Variants in ANKS1A observed in about 807,000 individuals in gnomAD.
ANKS1A encodes ankyrin repeat and sterile alpha motif domain containing 1A.
A neutral mutation model predicts 120.3 loss-of-function variants in ANKS1A; 55 were observed. The observed-to-expected ratio is 0.46, with a 90% confidence interval of 0.37 to 0.57. The LOEUF is 0.57. ANKS1A is among the 20% of genes least tolerant of loss of function. The pLI is 0.00. For synonymous variants in ANKS1A, 590 were observed against 604.7 expected (o/e 0.98, Z 0.36); for missense variants, 1,123 against 1,480.3 (o/e 0.76, Z 3.96).
chr6:35,093,184 C>T (rs1465493468), downstream of ANKS1A, among the ~76,000 whole-genome samples: 1 of 152,018 alleles, frequency 6.6e-6, no homozygotes, highest in Non-Finnish European at 1.5e-5. Context: ...TTTCAGGATT[C>T]GGCTGTTAGG....
At chr6:34,922,725 C>T (rs1232627925) in intron 1 of ANKS1A, among the ~76,000 whole-genome samples, 4 of 143,182 alleles carry the variant, frequency 2.8e-5, no homozygotes, top group African/African-American at 1.1e-4. Flanking sequence ...GACGGAGTCT[C>T]ACTCTGTAGC....
At position 35,017,396 on chromosome 6, in the gene ANKS1A, A is replaced by G; in HGVS notation, c.1424-77A>G. 2.7e-6 allele frequency: 4 copies of G among 1,460,392 alleles called. No individual in the cohort carries two copies. The South Asian group carries it at 5.4e-5, about 20-fold the overall frequency. The allele number at this position is 1,460,392 out of a possible 1,614,324, so 90.5% of individuals were successfully genotyped here. A position where few individuals can be genotyped will look rare whatever the true frequency, so the allele number is the denominator to read the frequency against. On this transcript the variant is annotated intron_variant, in intron 10 of 23. Transcript: ENST00000360359. ...TCTGTGAATTCCTCTGCTTTGCCAT[A>G]TGCTTGCTGCATTGGAACTTTGTTG...
chr6:34,917,872 T>C (rs915454874), intron 1 of ANKS1A, among the ~76,000 whole-genome samples: 6 of 152,300 alleles, frequency 3.9e-5, no homozygotes, highest in South Asian at 2.1e-4. Context: ...ACTCTGGGAT[T>C]GTACAATCCC....
intron 17 of ANKS1A, among the ~76,000 whole-genome samples, chr6:35,081,875 C>CA (rs1429128694): frequency 6.6e-6 from 1 of 152,200 alleles, no homozygotes; most frequent in East Asian, 1.9e-4. Flanking sequence ...CTTGGCCTGT[C>CA]AGACACAGGA....
At position 34,889,920 on chromosome 6, in the gene ANKS1A, G is replaced by C. The variant is rs1766716184; in HGVS notation, c.197+321G>C. On this transcript the variant is annotated intron_variant, in intron 1 of 23. Coordinates refer to ENST00000360359, the MANE Select transcript of ANKS1A (RefSeq NM_015245.3). This position sits in a 1 kb window ranked among gnomAD's most constrained non-coding sequence, Gnocchi z 5.5. ...GTGCCAGCTATCGTAGCTCACAAAA[G>C]CCAATTAAGAGCAAATATGTATATC... Among the ~76,000 whole-genome samples the C allele has an allele frequency of 6.6e-6, 1 of 150,538 alleles. No homozygotes were observed. Among genetic ancestry groups the C allele is most frequent in the Non-Finnish European group, 1.5e-5 (1 of 67,952 alleles).
At chr6:35,096,682 A>C in the ANKS1A span, among the ~76,000 whole-genome samples, 3 of 152,230 alleles carry the variant, frequency 2.0e-5, no homozygotes, top group Admixed American at 2.0e-4. Flanking sequence ...ATACCAGTCC[A>C]GACGCCTGAC....
At chr6:34,934,098 G>A (rs1769129080) in intron 1 of ANKS1A, among the ~76,000 whole-genome samples, 1 of 151,972 alleles carries the variant, frequency 6.6e-6, no homozygotes, top group South Asian at 2.1e-4. Context: ...GAGGTGATGT[G>A]GAAGGAAGCC....
In ANKS1A at chr6:34,985,203, C is replaced by A. The variant is rs765788955; in HGVS notation, c.1134C>A (p.Ser378Arg). The A allele has an allele frequency of 1.2e-5, 19 of 1,614,064 alleles. No homozygotes were observed. The Admixed American group carries it at 3.2e-4, about 27-fold the overall frequency. Residue 378 changes from serine (S) to arginine (R), a missense_variant, in exon 8 of 24, where the codon AGC becomes AGA. Ser to Arg is a moderately radical substitution (Grantham distance 110, BLOSUM62 -1). Coordinates refer to ENST00000360359, the MANE Select transcript of ANKS1A (RefSeq NM_015245.3). Reference protein sequence around the residue: ...ISCHSLDSMASGRSSDQDSTN... With the variant: ...ISCHSLDSMARGRSSDQDSTN... ...GCCATTCGTTGGACAGCATGGCCAGCGGGCGATCATCTGACCAAGACTCCA... is the reference window on the plus strand; with the variant it reads ...GCCATTCGTTGGACAGCATGGCCAGAGGGCGATCATCTGACCAAGACTCCA...
intron 1 of ANKS1A, among the ~76,000 whole-genome samples, chr6:34,964,621 C>A (rs1011097618): frequency 2.6e-5 from 4 of 152,040 alleles, no homozygotes; most frequent in African/African-American, 4.8e-5. Context: ...TAGGAGTATA[C>A]CTAATATTTT....
chr6:35,056,361 T>G (rs1341465660), intron 12 of ANKS1A, among the ~76,000 whole-genome samples: 1 of 152,240 alleles, frequency 6.6e-6, no homozygotes, highest in Admixed American at 6.5e-5. Context: ...TGATCTCCAC[T>G]CACTGCAAGC....
chr6:34,902,802 CAAA>C (rs11426793), intron 1 of ANKS1A, among the ~76,000 whole-genome samples: 6 of 75,260 alleles, frequency 8.0e-5, no homozygotes, highest in Admixed American at 1.4e-4. Flanking sequence ...GACTCCGTCT[CAAA>C]AAAAAAAAAA....
rs1467243319 is a variant in ANKS1A at position 35,060,487 on chromosome 6, A to G, written c.2184+234A>G. ...GCTCCAGAGGGAGCTCTCTTTGCAGATCTGCTTCCCAAGAAGGAGGGTCCC... is the reference window on the plus strand; with the variant it reads ...GCTCCAGAGGGAGCTCTCTTTGCAGGTCTGCTTCCCAAGAAGGAGGGTCCC... On this transcript the variant is annotated intron_variant, in intron 13 of 23. Transcript: ENST00000360359. This position sits in a 1 kb window ranked among gnomAD's most constrained non-coding sequence, Gnocchi z 4.5. 1.3e-5 allele frequency among the ~76,000 whole-genome samples: 2 copies of G among 152,104 alleles called. No homozygotes were observed. The highest frequency in any genetic ancestry group is 1.9e-4 in the East Asian group (1 of 5,178).
chr6:35,086,467 T>C lies in ANKS1A; in HGVS notation c.3304-485T>C. ...CTCTCCCTCTGCCTGTGTGACATTC[T>C]TTCCCCTCTTCCTGAGATGCCCTCT... On this transcript the variant is annotated intron_variant, in intron 22 of 23. Coordinates refer to ENST00000360359, the MANE Select transcript of ANKS1A (RefSeq NM_015245.3). This position sits in a 1 kb window ranked among gnomAD's most constrained non-coding sequence, Gnocchi z 5.1. 1.2e-6 allele frequency: 1 copy of C among 811,292 alleles called. No homozygotes were observed. Among genetic ancestry groups the C allele is most frequent in the Non-Finnish European group, 1.8e-6 (1 of 553,326 alleles). The allele number at this position is 811,292 out of a possible 1,614,324, so 50.3% of individuals were successfully genotyped here. A position where few individuals can be genotyped will look rare whatever the true frequency, so the allele number is the denominator to read the frequency against.
chr6:34,923,343 G>T (rs1386193319), intron 1 of ANKS1A, among the ~76,000 whole-genome samples: 2 of 152,220 alleles, frequency 1.3e-5, no homozygotes, highest in Non-Finnish European at 2.9e-5. Flanking sequence ...AATAAGGTAG[G>T]TTGAGGGACC....
intron 11 of ANKS1A, among the ~76,000 whole-genome samples, chr6:35,035,650 C>T (rs750615748): frequency 5.3e-5 from 8 of 152,216 alleles, no homozygotes; most frequent in Non-Finnish European, 1.0e-4. Context: ...TACCTCAAGG[C>T]TGGCTGCAAA....
rs1410071918 is a variant in ANKS1A at position 35,081,266 on chromosome 6, G to A, written c.2709+108G>A. The A allele has an allele frequency of 7.2e-6, 10 of 1,395,300 alleles. No individual in the cohort carries two copies. In the African/African-American group the frequency reaches 1.3e-4, roughly 18 times the overall value. The allele number at this position is 1,395,300 out of a possible 1,614,324, so 86.4% of individuals were successfully genotyped here. On this transcript the variant is annotated intron_variant, in intron 17 of 23. Transcript: ENST00000360359. ...CCCATACTTGAGCACAGTTGGGCTG[G>A]CACCAGAGTCAGGAGGCACTAGCCT...
chr6:34,915,293 G>A (rs1211658168), intron 1 of ANKS1A, among the ~76,000 whole-genome samples: 3 of 152,214 alleles, frequency 2.0e-5, no homozygotes, highest in Admixed American at 6.5e-5. Context: ...AGGAGTCCCC[G>A]TAATTAGTAC....
In ANKS1A at chr6:35,084,177, G is replaced by C. The variant is rs1561968255; in HGVS notation, c.3051G>C (p.Glu1017Asp). The change falls in exon 21 of 24, where the codon GAG (glutamate) becomes GAC (aspartate). Residue 1017 changes from glutamate (E) to aspartate (D), a missense_variant. Coordinates refer to ENST00000360359, the MANE Select transcript of ANKS1A (RefSeq NM_015245.3). This position sits in a 1 kb window ranked among gnomAD's most constrained non-coding sequence, Gnocchi z 4.8. ...RNISCAAQDP[E>D]DLCTFAYITK... ...TTTCCTGTGCGGCCCAGGACCCGGA[G>C]GACCTCTGTACCTTTGCCTACATCA... The C allele has an allele frequency of 3.1e-6, 5 of 1,614,114 alleles. No homozygotes were observed. Among genetic ancestry groups the C allele is most frequent in the Admixed American group, 1.7e-5 (1 of 60,000 alleles).
chr6:35,064,801 A>C (rs1776686710), intron 13 of ANKS1A, among the ~76,000 whole-genome samples: 3 of 144,208 alleles, frequency 2.1e-5, no homozygotes. Flanking sequence ...CCCCACCTCC[A>C]CCCCCGTCCC....
Sources: gnomAD v4.1 joint callset for allele counts (sites outside exome capture counted in the v4.1 genomes callset) on GRCh38, gnomAD v4.1.1 for gene constraint, Gnocchi (gnomAD v3.1) non-coding constraint, MANE v1.5 for transcripts, NCBI Gene and HGNC (gene_info 2026-07-23, HGNC 2026-07-21) for gene names.